MCTP2: variants seen among roughly 807,000 people sequenced by gnomAD.
MCTP2 encodes the protein multiple C2 and transmembrane domain-containing protein 2.
MCTP2 carries 132 observed loss-of-function variants against 111.6 expected under a neutral mutation model. The ratio of observed to expected loss-of-function variants is 1.18; its 90% CI spans 1.03 to 1.37. MCTP2 has a LOEUF of 1.37. Among genes scored for constraint, MCTP2 ranks in the 40% most tolerant of loss-of-function variants. MCTP2 has a pLI of 0.00. For missense variants in MCTP2, 1,183 were observed against 1,067.9 expected, an observed-to-expected ratio of 1.11 and a Z score of -1.50; for synonymous variants, 395 against 387.7, an observed-to-expected ratio of 1.02 and a Z score of -0.22.
At chr15:94,308,095 G>A (rs371412857) in intron 2 of MCTP2, among the ~76,000 whole-genome samples, 7 of 152,198 alleles carry the variant, frequency 4.6e-5, no homozygotes, top group East Asian at 3.9e-4. Context: ...CTCTGTATGC[G>A]AAGAGTCCTC....
intron 2 of MCTP2, among the ~76,000 whole-genome samples, chr15:94,310,807 G>C (rs559065000): frequency 6.6e-6 from 1 of 151,328 alleles, no homozygotes; most frequent in Non-Finnish European, 1.5e-5. Flanking sequence ...AAGTGTGATG[G>C]TGTGCACTTG....
chr15:94,464,257 T>TTATATATATATTA (rs1555481316), intron 20 of MCTP2, among the ~76,000 whole-genome samples: 1 of 44,968 alleles, frequency 2.2e-5, no homozygotes, highest in African/African-American at 6.0e-5. Context: ...TATATATATA[T>TTATATATATATTA]TATATATATA....
chr15:94,426,545 GTTTA>G (rs2082902031), intron 17 of MCTP2, among the ~76,000 whole-genome samples: 1 of 151,822 alleles, frequency 6.6e-6, no homozygotes, highest in African/African-American at 2.4e-5. Flanking sequence ...AGTTCTAGGT[GTTTA>G]TTTGACTCTT....
chr15:94,304,801 C>G (rs1301365736), intron 2 of MCTP2, among the ~76,000 whole-genome samples: 1 of 152,174 alleles, frequency 6.6e-6, no homozygotes, highest in African/African-American at 2.4e-5. Flanking sequence ...CCACCTTTAT[C>G]CATCTCTGTG....
intron 2 of MCTP2, among the ~76,000 whole-genome samples, chr15:94,307,855 G>A (rs1489549438): frequency 6.6e-6 from 1 of 152,178 alleles, no homozygotes; most frequent in Non-Finnish European, 1.5e-5. Flanking sequence ...GGTGGGGAAT[G>A]TTGGAGGGAG....
intron 17 of MCTP2, among the ~76,000 whole-genome samples, chr15:94,434,892 T>C (rs532504838): frequency 0.013 from 703 of 54,866 alleles, 4 homozygotes; most frequent in Non-Finnish European, 0.013. Context: ...TGCAGTTTTG[T>C]TTGCTCCTTC....
intron 16 of MCTP2, among the ~76,000 whole-genome samples, chr15:94,401,123 G>A (rs2081567333): frequency 6.6e-6 from 1 of 152,072 alleles, no homozygotes; most frequent in South Asian, 2.1e-4. Context: ...CTCCACGTGG[G>A]GTGGCTTTGG....
At chr15:94,250,597 G>T (rs1183646326) in intron 1 of MCTP2, among the ~76,000 whole-genome samples, 4 of 152,166 alleles carry the variant, frequency 2.6e-5, no homozygotes, top group African/African-American at 9.7e-5. Flanking sequence ...TTACTACAGG[G>T]ACTGAGAGTT....
At chr15:94,243,439 ACATACGTATGCGTACATG>A (rs1485186948) in intron 1 of MCTP2, among the ~76,000 whole-genome samples, 3 of 149,308 alleles carry the variant, frequency 2.0e-5, no homozygotes, top group Non-Finnish European at 3.0e-5. Context: ...GTATGTACAT[ACATACGTATGCGTACATG>A]CGTATGCGTA....
chr15:94,407,775 G>GCGCACA (rs1472307115), intron 17 of MCTP2, among the ~76,000 whole-genome samples: 13 of 147,698 alleles, frequency 8.8e-5, no homozygotes, highest in African/African-American at 3.0e-4. Context: ...ATGTACTTGT[G>GCGCACA]CACACACACA....
chr15:94,435,398 C>T (rs2083415796), intron 17 of MCTP2, among the ~76,000 whole-genome samples: 1 of 151,968 alleles, frequency 6.6e-6, no homozygotes, highest in African/African-American at 2.4e-5. Flanking sequence ...TTCTAAAATA[C>T]TGTGTTGCTT....
intron 1 of MCTP2, among the ~76,000 whole-genome samples, chr15:94,270,990 G>C (rs1417712215): frequency 6.6e-6 from 1 of 152,146 alleles, no homozygotes; most frequent in Non-Finnish European, 1.5e-5. Context: ...TCAGATGACT[G>C]GATTAGTATT....
chr15:94,382,797 G>A (rs2080222145), intron 12 of MCTP2, among the ~76,000 whole-genome samples: 1 of 152,262 alleles, frequency 6.6e-6, no homozygotes, highest in Non-Finnish European at 1.5e-5. Context: ...AGCAAGCGCT[G>A]CTTTGTAAAG....
chr15:94,290,817 CAT>C (rs2152325229), intron 1 of MCTP2, among the ~76,000 whole-genome samples: 1 of 152,312 alleles, frequency 6.6e-6, no homozygotes, highest in South Asian at 2.1e-4. Flanking sequence ...TAAAGACAGA[CAT>C]TACATATTGA....
chr15:94,429,604 G>T (rs977911462), intron 17 of MCTP2, among the ~76,000 whole-genome samples: 4 of 152,062 alleles, frequency 2.6e-5, no homozygotes, highest in African/African-American at 9.7e-5. Context: ...CATTTCCTCA[G>T]GCTCTTTTTC....
At chr15:94,388,386 A>G (rs2080649374) in intron 14 of MCTP2, among the ~76,000 whole-genome samples, 2 of 152,290 alleles carry the variant, frequency 1.3e-5, no homozygotes, top group East Asian at 1.9e-4. Flanking sequence ...GGAAGTGATC[A>G]TATCTTCTAG....
At chr15:94,397,464 A>G (rs1216984000) in intron 14 of MCTP2, among the ~76,000 whole-genome samples, 1 of 152,154 alleles carries the variant, frequency 6.6e-6, no homozygotes, top group Non-Finnish European at 1.5e-5. Context: ...TTTTGTATTT[A>G]TTTCTTTCAA....
At chr15:94,402,429 T>C in intron 17 of MCTP2, 1 of 1,537,928 alleles carries the variant, frequency 6.5e-7, no homozygotes, top group Non-Finnish European at 8.8e-7. Context: ...TAAAGATGTT[T>C]ATTCATTTCA....
chr15:94,375,583 CAAAT>C (rs747691663), intron 12 of MCTP2, among the ~76,000 whole-genome samples: 1 of 152,064 alleles, frequency 6.6e-6, no homozygotes, highest in African/African-American at 2.4e-5. Context: ...AACAAACAAA[CAAAT>C]AAAACCCAGC....
Sources: allele counts gnomAD v4.1 joint callset (sites outside exome capture counted in the v4.1 genomes callset), GRCh38; gene constraint gnomAD v4.1.1; transcripts MANE v1.5; gene names NCBI Gene and HGNC (gene_info 2026-07-23, HGNC 2026-07-21).